Variants in TNNI3K observed in about 807,000 individuals in gnomAD.
TNNI3K encodes the protein TNNI3 interacting kinase.
A neutral mutation model predicts 114.5 loss-of-function variants in TNNI3K; 140 were observed. The observed-to-expected ratio is 1.22, with a 90% CI of 1.07 to 1.41. The LOEUF is 1.41. Among genes scored for constraint, TNNI3K ranks in the 40% most tolerant of loss-of-function variants. TNNI3K has a pLI of 0.00. For synonymous variants in TNNI3K, 347 were observed against 347.5 expected (o/e 1.00, Z 0.02); for missense variants, 1,125 against 1,007.6 (o/e 1.12, Z -1.58).
intron 17 of TNNI3K, among the ~76,000 whole-genome samples, chr1:74,380,544 T>A (rs1663150283): frequency 6.6e-6 from 1 of 152,172 alleles, no homozygotes; most frequent in African/African-American, 2.4e-5. Flanking sequence ...CTAAAACCTT[T>A]CAAATGCTTT....
intron 17 of TNNI3K, among the ~76,000 whole-genome samples, chr1:74,433,996 T>C (rs1357534391): frequency 6.6e-6 from 1 of 152,070 alleles, no homozygotes; most frequent in East Asian, 1.9e-4. Flanking sequence ...CTCCCAGATA[T>C]AAACTGCTCT....
intron 23 of TNNI3K, among the ~76,000 whole-genome samples, chr1:74,533,771 A>G (rs1646624168): frequency 6.6e-6 from 1 of 152,102 alleles, no homozygotes; most frequent in South Asian, 2.1e-4. Flanking sequence ...AGGGACATGG[A>G]TGAAATTGGA....
intron 4 of TNNI3K, among the ~76,000 whole-genome samples, chr1:74,267,218 C>A (rs531164427): frequency 5.3e-4 from 80 of 152,014 alleles, no homozygotes; most frequent in African/African-American, 1.7e-3. Context: ...TTAGAGTATT[C>A]AAAATTTGCC....
intron 10 of TNNI3K, among the ~76,000 whole-genome samples, 165 bp downstream of exon 10, chr1:74,353,525 A>G (rs1661493677): frequency 6.6e-6 from 1 of 152,192 alleles, no homozygotes. Context: ...AATAATAAAA[A>G]GCAGACTGAC....
intron 11 of TNNI3K, among the ~76,000 whole-genome samples, chr1:74,355,676 G>C (rs1661616896): frequency 6.6e-6 from 1 of 151,936 alleles, no homozygotes; most frequent in Non-Finnish European, 1.5e-5. Context: ...TCAATGAAAG[G>C]AGAAATGTAG....
At chr1:74,269,498 G>GT (rs1329628002) in intron 4 of TNNI3K, among the ~76,000 whole-genome samples, 1 of 151,782 alleles carries the variant, frequency 6.6e-6, no homozygotes, top group African/African-American at 2.4e-5. Context: ...ATGGGAAAAA[G>GT]TATTAGTTGA....
chr1:74,304,521 T>C (rs1404067674), intron 5 of TNNI3K, among the ~76,000 whole-genome samples: 1 of 152,100 alleles, frequency 6.6e-6, no homozygotes, highest in Admixed American at 6.6e-5. Context: ...TGGCTCACCG[T>C]AATCTTGAAC....
chr1:74,379,904 A>G (rs1035012968), intron 17 of TNNI3K, among the ~76,000 whole-genome samples: 4 of 152,106 alleles, frequency 2.6e-5, no homozygotes, highest in East Asian at 1.9e-4. Context: ...TTCTTCTCTC[A>G]TCTGCCTTCA....
chr1:74,335,925 A>C (rs1660439330), intron 6 of TNNI3K, 86 bp from the exon 7 acceptor site: 2 of 1,433,796 alleles, frequency 1.4e-6, no homozygotes, highest in Admixed American at 5.7e-5. Context: ...TTTGTGGTTT[A>C]AGCCAGTTGT....
At chr1:74,245,652 T>G (rs974608710) in intron 2 of TNNI3K, among the ~76,000 whole-genome samples, 4 of 152,154 alleles carry the variant, frequency 2.6e-5, no homozygotes, top group Non-Finnish European at 5.9e-5. Context: ...GGCATCCAGT[T>G]AAGAACATCA....
In TNNI3K at chr1:74,492,109, G is replaced by T. The variant is rs776834562; in HGVS notation, c.2194G>T (p.Ala732Ser). 2 of 1,605,612 alleles carry T rather than the reference G, an allele frequency of 1.2e-6. No individual in the cohort carries two copies. The highest frequency in any genetic ancestry group is 1.7e-5 in the Admixed American group (1 of 59,812). The stretch of plus-strand genomic sequence containing the variant: ...CTCCTCCACTCAGCTGATGTCTCCT[G>T]CATCAAGTAACAGCAGTGGGTCTCT... ...CLCNIELMSP[A>S]SSNSSGSLSP... The change falls in exon 23 of 25, where the codon GCA becomes TCA. Residue 732 changes from alanine to serine, a missense_variant. Ala to Ser is a moderately conservative substitution (Grantham distance 99). Coordinates refer to ENST00000326637, the MANE Select transcript of TNNI3K (RefSeq NM_015978.3).
At chr1:74,256,201 G>A (rs967012630) in intron 4 of TNNI3K, among the ~76,000 whole-genome samples, 1 of 146,204 alleles carries the variant, frequency 6.8e-6, no homozygotes, top group Admixed American at 6.9e-5. Flanking sequence ...TAACAAACTA[G>A]CAATTCCTTC....
chr1:74,401,321 G>A (rs573626393), intron 17 of TNNI3K, among the ~76,000 whole-genome samples: 6 of 152,146 alleles, frequency 3.9e-5, no homozygotes, highest in Non-Finnish European at 8.8e-5. Flanking sequence ...TGCATTCACA[G>A]TGGGAAGAAA....
intron 21 of TNNI3K, chr1:74,472,266 G>A (rs1382750723): frequency 1.4e-6 from 1 of 698,330 alleles, no homozygotes; most frequent in Non-Finnish European, 2.6e-6. Flanking sequence ...CCAAACAGAT[G>A]CGTAGAAACC....
At chr1:74,285,620 A>G (rs1168431212) in intron 5 of TNNI3K, among the ~76,000 whole-genome samples, 1 of 152,188 alleles carries the variant, frequency 6.6e-6, no homozygotes, top group East Asian at 1.9e-4. Flanking sequence ...TTTTGAGCAC[A>G]GGAACTGCAC....
chr1:74,475,566 G>C lies in TNNI3K; in HGVS notation c.2121+12016G>C, dbSNP rs1342503837. On this transcript the variant is annotated intron_variant, in intron 21 of 24. Transcript: ENST00000326637. ...ACTCAGAGGCCGATGTTGCTTGATG[G>C]CTATTTTCCTGTAAAAGTGGCATTT... The C allele has an allele frequency of 5.6e-6, 4 of 717,376 alleles. No individual in the cohort carries two copies. In the East Asian group the frequency reaches 1.1e-4, roughly 19 times the overall value. 44.4% of individuals were successfully genotyped at this position (717,376 alleles called of 1,614,324 possible).
Position 74,396,114 on chromosome 1 carries a change from C to T in TNNI3K, c.1772+25722C>T, listed in dbSNP as rs755132097. 1.2e-4 allele frequency among the ~76,000 whole-genome samples: 18 copies of T among 152,278 alleles called. No homozygotes were observed. The Middle Eastern group carries it at 0.014, about 115-fold the overall frequency. ...AATAGCCTTCTCTCAATGAAAAGCT[C>T]TGGGATCCCCTAACATGCTTGCCCC... On this transcript the variant is annotated intron_variant, in intron 17 of 24. Coordinates refer to ENST00000326637, the MANE Select transcript of TNNI3K (RefSeq NM_015978.3).
chr1:74,543,825 C>T lies in TNNI3K; in HGVS notation c.2432-81C>T, dbSNP rs369671347. 5.2e-6 allele frequency: 8 copies of T among 1,538,532 alleles called. No homozygotes were observed. In the South Asian group the frequency reaches 6.9e-5, roughly 13 times the overall value. On this transcript the variant is annotated intron_variant, in intron 24 of 24. Coordinates refer to ENST00000326637, the MANE Select transcript of TNNI3K (RefSeq NM_015978.3). Reference sequence around the variant, plus strand: ...CTGTTCACATGATCTGGAAGACCTGCCTGGTTCAGGCTGGTTATAAAAAAT... The same window carrying T: ...CTGTTCACATGATCTGGAAGACCTGTCTGGTTCAGGCTGGTTATAAAAAAT...
intron 11 of TNNI3K, 56 bp from the exon 12 acceptor site, chr1:74,367,200 A>G: frequency 6.3e-7 from 1 of 1,584,376 alleles, no homozygotes. Flanking sequence ...TTGAGAGTAG[A>G]CTGAATAACT....
Sources: allele counts gnomAD v4.1 joint callset (sites outside exome capture counted in the v4.1 genomes callset), GRCh38; gene constraint gnomAD v4.1.1; transcripts MANE v1.5; gene names NCBI Gene and HGNC (gene_info 2026-07-23, HGNC 2026-07-21).